The following HLCS variants were observed in gnomAD, a reference collection of about 807,000 sequenced individuals.
HLCS encodes biotin--protein ligase.
A neutral mutation model predicts 75.0 loss-of-function variants in HLCS; 53 were observed. That is an observed-to-expected ratio of 0.71 (90% confidence interval 0.57 to 0.89). The LOEUF is 0.89. HLCS is among the 40% of genes least tolerant of loss of function. HLCS has a pLI of 0.00. For missense variants in HLCS, 966 were observed against 1,074.0 expected, an observed-to-expected ratio of 0.90 and a Z score of 1.41; for synonymous variants, 431 against 428.6, an observed-to-expected ratio of 1.01 and a Z score of -0.07.
rs941770403 is a variant in HLCS, at chr21:36,962,159, G to C, written c.207C>G (p.Asp69Glu). ...FCVSDSQSIE[D>E]LNKWALFLVS... ...CAAGAAATAGGGCCCACTTGTTCAAGTCTTCAATGGACTGTATAGAGGGAA... is the reference window on the plus strand; with the variant it reads ...CAAGAAATAGGGCCCACTTGTTCAACTCTTCAATGGACTGTATAGAGGGAA... The change falls in exon 2 of 11, where the codon GAC (aspartate) becomes GAG (glutamate). Residue 69 changes from aspartate (D) to glutamate (E), a missense_variant. Coordinates refer to ENST00000674895, the MANE Select transcript of HLCS (RefSeq NM_001352514.2). 1.6e-6 allele frequency: 2 copies of C among 1,288,556 alleles called. No individual in the cohort carries two copies. The highest frequency in any genetic ancestry group is 2.0e-6 in the Non-Finnish European group (2 of 987,954). 79.8% of individuals were successfully genotyped at this position (1,288,556 alleles called of 1,614,324 possible).
chr21:36,937,899 T>C (rs2066968185), intron 3 of HLCS, among the ~76,000 whole-genome samples: 1 of 152,168 alleles, frequency 6.6e-6, no homozygotes, highest in Non-Finnish European at 1.5e-5. Flanking sequence ...AATCACTAAT[T>C]CAAAAACATT....
rs2089287500 is a variant in HLCS, at chr21:36,749,116, G to A, written c.*5130C>T. On this transcript the variant is annotated 3_prime_UTR_variant, in exon 11 of 11. Coordinates refer to ENST00000674895, the MANE Select transcript of HLCS (RefSeq NM_001352514.2). ...AGAAAACTTCGTAAGAACATGTTAC[G>A]TGTGCAACAGGTAAACAGAAATCCT... 2 of 152,758 alleles carry A rather than the reference G, an allele frequency of 1.3e-5. No homozygotes were observed. Among genetic ancestry groups the A allele is most frequent in the Middle Eastern group, 3.4e-3 (1 of 294 alleles). The allele number at this position is 152,758 out of a possible 1,614,324, so 9.5% of individuals were successfully genotyped here.
At chr21:36,882,803 T>G (rs553918945) in intron 6 of HLCS, among the ~76,000 whole-genome samples, 2 of 152,032 alleles carry the variant, frequency 1.3e-5, no homozygotes, top group Admixed American at 6.6e-5. Context: ...AAATTCTGTA[T>G]GCACATATTA....
chr21:36,765,872 C>T (rs2090012449), intron 7 of HLCS, among the ~76,000 whole-genome samples: 1 of 152,192 alleles, frequency 6.6e-6, no homozygotes, highest in Non-Finnish European at 1.5e-5. Context: ...GTCTTGAACT[C>T]CTGACTTCAA....
At chr21:36,968,630 T>C (rs1379208814), upstream of HLCS, 2 of 152,202 alleles carry the variant, frequency 1.3e-5, no homozygotes, top group African/African-American at 4.8e-5. Flanking sequence ...GGACGTGCAG[T>C]TCCCGCTGAG....
chr21:36,914,533 AT>A lies in HLCS; in HGVS notation c.1620+15717del, dbSNP rs66804386. Among the ~76,000 whole-genome samples, 833 of 152,284 alleles carry A rather than the reference AT, an allele frequency of 5.5e-3. 10 individuals carry two copies. The highest frequency in any genetic ancestry group is 0.018 in the African/African-American group (752 of 41,544). ...CGCTGAAAGGCCCAGGATTTACTGC[AT>A]TTTTTTGTTACCTGCCAACTAGCGA... On this transcript the variant is annotated intron_variant, in intron 5 of 10. Transcript: ENST00000674895.
chr21:36,761,890 G>A (rs114483899), intron 8 of HLCS, among the ~76,000 whole-genome samples: 1,793 of 152,282 alleles, frequency 0.012, 34 homozygotes, highest in African/African-American at 0.041. Context: ...AAGCTCCTCC[G>A]CCACGTGCGT....
chr21:36,823,110 A>C (rs1404756534), intron 6 of HLCS, among the ~76,000 whole-genome samples: 3 of 152,250 alleles, frequency 2.0e-5, no homozygotes, highest in African/African-American at 7.2e-5. Context: ...GGTAGTATAC[A>C]TCCCAATTTC....
intron 6 of HLCS, among the ~76,000 whole-genome samples, chr21:36,772,658 AAG>A (rs2060243843): frequency 6.6e-6 from 1 of 150,730 alleles, no homozygotes; most frequent in African/African-American, 2.4e-5. Flanking sequence ...AAAAAAAAAA[AAG>A]AAGGACACAT....
chr21:36,856,959 T>C (rs2835504), intron 6 of HLCS, among the ~76,000 whole-genome samples: 1 of 152,232 alleles, frequency 6.6e-6, no homozygotes, highest in Admixed American at 6.5e-5. Context: ...AATTTGCTAA[T>C]GCAGGCAGTT....
intron 6 of HLCS, among the ~76,000 whole-genome samples, chr21:36,888,432 T>TAAAAAAA (rs1191691491): frequency 2.5e-4 from 6 of 23,778 alleles, no homozygotes; most frequent in African/African-American, 6.4e-4. Context: ...CCTTCCCATT[T>TAAAAAAA]AAAAAAAAAA....
At chr21:36,807,242 G>C (rs1290828565) in intron 6 of HLCS, among the ~76,000 whole-genome samples, 6 of 152,032 alleles carry the variant, frequency 3.9e-5, no homozygotes. Context: ...ACCAACAAAG[G>C]CTGTGGACCA....
intron 6 of HLCS, among the ~76,000 whole-genome samples, chr21:36,846,826 C>T (rs967286201): frequency 1.3e-5 from 2 of 152,142 alleles, no homozygotes; most frequent in Non-Finnish European, 2.9e-5. Flanking sequence ...CAGCTCAACT[C>T]CATGTGGTTC....
At chr21:36,931,963 G>A (rs1284640193) in intron 4 of HLCS, among the ~76,000 whole-genome samples, 1 of 152,084 alleles carries the variant, frequency 6.6e-6, no homozygotes, top group Non-Finnish European at 1.5e-5. Flanking sequence ...CCCAAGCTGT[G>A]CACATTAGGT....
At chr21:36,785,059 C>T (rs1423326734) in intron 6 of HLCS, among the ~76,000 whole-genome samples, 1 of 152,122 alleles carries the variant, frequency 6.6e-6, no homozygotes, top group Non-Finnish European at 1.5e-5. Flanking sequence ...CAGGTACCGT[C>T]GCCTTCGGGG....
At chr21:36,820,377 C>T (rs1012557036) in intron 6 of HLCS, among the ~76,000 whole-genome samples, 5 of 151,498 alleles carry the variant, frequency 3.3e-5, no homozygotes, top group East Asian at 1.9e-4. Flanking sequence ...ACGGCCGGGC[C>T]GCCGACTGGG....
chr21:36,887,583 A>G (rs2064525828), intron 6 of HLCS, among the ~76,000 whole-genome samples: 1 of 152,212 alleles, frequency 6.6e-6, no homozygotes, highest in African/African-American at 2.4e-5. Context: ...AAAAAATTTG[A>G]TGGAGAATTT....
chr21:36,952,052 C>A (rs976661683), intron 2 of HLCS, among the ~76,000 whole-genome samples: 1 of 152,138 alleles, frequency 6.6e-6, no homozygotes, highest in Non-Finnish European at 1.5e-5. Flanking sequence ...TTTTAAATAT[C>A]TTTAAGAGTT....
intron 6 of HLCS, among the ~76,000 whole-genome samples, chr21:36,888,138 C>T (rs1569148392): frequency 6.6e-6 from 1 of 151,898 alleles, no homozygotes; most frequent in Non-Finnish European, 1.5e-5. Context: ...AGACAAAGAC[C>T]CCTATTAGGA....
Sources: allele counts gnomAD v4.1 joint callset (sites outside exome capture counted in the v4.1 genomes callset), GRCh38; gene constraint gnomAD v4.1.1; transcripts MANE v1.5; gene names NCBI Gene and HGNC (gene_info 2026-07-23, HGNC 2026-07-21).